PPM1B: variants seen among roughly 807,000 people sequenced by gnomAD.
PPM1B encodes the protein protein phosphatase 1B.
In PPM1B, 22 loss-of-function variants were observed where a neutral mutation model predicts 43.0. The observed-to-expected ratio is 0.51, with a 90% CI of 0.37 to 0.73. PPM1B has a LOEUF of 0.73. Among genes scored for constraint, PPM1B ranks in the 30% least tolerant of loss-of-function variants. PPM1B has a pLI of 0.00. For synonymous variants in PPM1B, 217 were observed against 197.9 expected (o/e 1.10, Z -0.81); for missense variants, 632 against 584.2 (o/e 1.08, Z -0.84).
chr2:44,244,249 A>C, exon 6 of PPM1B: 1 of 1,347,388 alleles, frequency 7.4e-7, no homozygotes. Flanking sequence ...GGGCACGTCC[A>C]TCTGTAAACC....
At chr2:44,204,803 G>C (rs1041046452) in intron 2 of PPM1B, among the ~76,000 whole-genome samples, 1 of 138,994 alleles carries the variant, frequency 7.2e-6, no homozygotes, top group African/African-American at 2.7e-5. Flanking sequence ...AGCTTGCAGT[G>C]AGCCGAGATC....
downstream of PPM1B, among the ~76,000 whole-genome samples, chr2:44,244,880 G>A (rs976862073): frequency 1.4e-5 from 2 of 146,698 alleles, no homozygotes; most frequent in African/African-American, 5.0e-5. Context: ...GTGTATCTAT[G>A]TGTATATATA....
At chr2:44,175,842 G>A (rs1051815845) in intron 1 of PPM1B, among the ~76,000 whole-genome samples, 2 of 149,354 alleles carry the variant, frequency 1.3e-5, no homozygotes, top group Admixed American at 6.7e-5. Flanking sequence ...CTGGAGTGCA[G>A]TGGTATGATC....
intron 1 of PPM1B, among the ~76,000 whole-genome samples, chr2:44,170,411 G>A (rs1260181165): frequency 2.6e-5 from 4 of 152,196 alleles, no homozygotes; most frequent in Non-Finnish European, 5.9e-5. Context: ...GTGTTATGTA[G>A]CTATTTTAGG....
intron 1 of PPM1B, among the ~76,000 whole-genome samples, chr2:44,198,037 A>G (rs1051625937): frequency 6.6e-6 from 1 of 152,164 alleles, no homozygotes; most frequent in Non-Finnish European, 1.5e-5. Flanking sequence ...TGGGATTGAC[A>G]GATTGTGCTG....
At chr2:44,227,156 G>A (rs1429366512) in intron 5 of PPM1B, among the ~76,000 whole-genome samples, 2 of 151,702 alleles carry the variant, frequency 1.3e-5, no homozygotes, top group African/African-American at 4.8e-5. Context: ...TTTTTGTTTT[G>A]TAGAGACGGG....
At chr2:44,223,813 C>CT (rs1670084032) in intron 5 of PPM1B, among the ~76,000 whole-genome samples, 2 of 41,784 alleles carry the variant, frequency 4.8e-5, no homozygotes, top group African/African-American at 1.2e-4. Context: ...GGGACTCTGT[C>CT]TAAAAAAAAA....
intron 5 of PPM1B, among the ~76,000 whole-genome samples, chr2:44,223,005 T>G (rs1200112695): frequency 6.6e-6 from 1 of 152,110 alleles, no homozygotes. Context: ...TAATTTTTTG[T>G]ATTTTTTGTA....
At chr2:44,230,052 A>G in intron 5 of PPM1B, 2 of 1,567,550 alleles carry the variant, frequency 1.3e-6, no homozygotes, top group Non-Finnish European at 1.7e-6. Context: ...CTACTGCTTT[A>G]AACATTGATT....
At chr2:44,180,005 G>A (rs1667786746) in intron 1 of PPM1B, among the ~76,000 whole-genome samples, 3 of 99,902 alleles carry the variant, frequency 3.0e-5, no homozygotes, top group Middle Eastern at 7.7e-3. Flanking sequence ...GCGAAACTTC[G>A]TTCCAAAAAA....
downstream of PPM1B, chr2:44,232,395 A>G (rs749850603): frequency 6.3e-7 from 1 of 1,593,782 alleles, no homozygotes; most frequent in Non-Finnish European, 8.5e-7. Context: ...GGGGGAAAAA[A>G]CTTTTAATCA....
chr2:44,226,252 G>C (rs1407967423), intron 5 of PPM1B, among the ~76,000 whole-genome samples: 2 of 152,114 alleles, frequency 1.3e-5, no homozygotes. Flanking sequence ...TGGGATTACA[G>C]ACCTGAGCCA....
chr2:44,198,644 T>C (rs1251132971), intron 1 of PPM1B, among the ~76,000 whole-genome samples: 1 of 152,190 alleles, frequency 6.6e-6, no homozygotes, highest in African/African-American at 2.4e-5. Context: ...AAGCGTAACA[T>C]AATGTGCCTC....
intron 1 of PPM1B, among the ~76,000 whole-genome samples, chr2:44,197,079 G>C (rs528324698): frequency 6.6e-6 from 1 of 152,110 alleles, no homozygotes; most frequent in African/African-American, 2.4e-5. Flanking sequence ...AGGTAGTACA[G>C]AGTCTTCCCC....
intron 5 of PPM1B, among the ~76,000 whole-genome samples, chr2:44,228,420 T>C (rs1670321727): frequency 6.6e-6 from 1 of 152,232 alleles, no homozygotes; most frequent in South Asian, 2.1e-4. Context: ...GGAATCCTCC[T>C]ACCCGTCTCC....
chr2:44,233,615 T>C, downstream of PPM1B: 1 of 985,840 alleles, frequency 1.0e-6, no homozygotes, highest in Non-Finnish European at 1.2e-6. Context: ...CAGGATGTAA[T>C]TGCCCTTGTG....
At chr2:44,205,986 A>C (rs77764125) in intron 2 of PPM1B, among the ~76,000 whole-genome samples, 21,364 of 152,192 alleles carry the variant, frequency 0.14, 1,835 homozygotes, top group South Asian at 0.25. Context: ...ATTGCACTCC[A>C]GCCTGGGCGA....
At chr2:44,236,284 T>C (rs753435294), downstream of PPM1B, among the ~76,000 whole-genome samples, 1 of 151,422 alleles carries the variant, frequency 6.6e-6, no homozygotes, top group African/African-American at 2.4e-5. Context: ...GTGCCTGTAG[T>C]CCTAGCTACT....
At chr2:44,170,493 G>T (rs569834458) in intron 1 of PPM1B, among the ~76,000 whole-genome samples, 1 of 152,354 alleles carries the variant, frequency 6.6e-6, no homozygotes, top group African/African-American at 2.4e-5. Context: ...CTTACTGTGG[G>T]ATTAACACAG....
Sources: gnomAD v4.1 joint callset for allele counts (sites outside exome capture counted in the v4.1 genomes callset) on GRCh38, gnomAD v4.1.1 for gene constraint, MANE v1.5 for transcripts, NCBI Gene and HGNC (gene_info 2026-07-23, HGNC 2026-07-21) for gene names.